Variants in GNG4 observed in about 807,000 individuals in gnomAD.
The protein encoded by GNG4 is G protein subunit gamma 4, also known as guanine nucleotide-binding protein G(I)/G(S)/G(O) subunit gamma-4.
Under a neutral mutation model 5.8 loss-of-function variants are expected in GNG4, and 4 were observed. The ratio of observed to expected loss-of-function variants is 0.69; its 90% CI spans 0.34 to 1.57. The LOEUF (loss-of-function observed/expected upper bound fraction) is 1.57, where lower values mean the gene tolerates loss of function less well. Among genes scored for constraint, GNG4 ranks in the 40% most tolerant of loss-of-function variants. GNG4 has a pLI of 0.06. For synonymous variants in GNG4, 29 were observed against 32.9 expected (o/e 0.88, Z 0.41); for missense variants, 96 against 95.1 (o/e 1.01, Z -0.04).
At chr1:235,572,495 C>CT (rs1261290924) in intron 3 of GNG4, among the ~76,000 whole-genome samples, 6,106 of 112,646 alleles carry the variant, frequency 0.054, 415 homozygotes, top group African/African-American at 0.19. Context: ...CCACCGTGCT[C>CT]TTTTTTTTTT....
chr1:235,624,264 G>A (rs181940113), intron 1 of GNG4, among the ~76,000 whole-genome samples: 3 of 151,742 alleles, frequency 2.0e-5, no homozygotes, highest in African/African-American at 4.8e-5. Context: ...CACCACGCCC[G>A]GCTAATTTTT....
intron 3 of GNG4, among the ~76,000 whole-genome samples, chr1:235,569,264 C>T (rs1192855108): frequency 6.6e-6 from 1 of 152,112 alleles, no homozygotes; most frequent in Non-Finnish European, 1.5e-5. Flanking sequence ...AATCCTAGCA[C>T]TCTGGGAGGC....
At chr1:235,564,854 T>C (rs757512176) in intron 3 of GNG4, among the ~76,000 whole-genome samples, 13 of 152,088 alleles carry the variant, frequency 8.5e-5, no homozygotes, top group Non-Finnish European at 1.5e-4. Flanking sequence ...CCCGGCTTAT[T>C]TTGGTATTCT....
chr1:235,562,678 A>G (rs1229257344), intron 3 of GNG4, among the ~76,000 whole-genome samples: 1 of 151,460 alleles, frequency 6.6e-6, no homozygotes, highest in Non-Finnish European at 1.5e-5. Context: ...AAAAAGAAAA[A>G]AAAAAAAGAA....
chr1:235,620,636 T>C (rs1023354064), intron 1 of GNG4, among the ~76,000 whole-genome samples: 3 of 152,012 alleles, frequency 2.0e-5, no homozygotes, highest in African/African-American at 4.8e-5. Context: ...CCCGCGTTCA[T>C]GCCATTCTCC....
chr1:235,616,040 C>A, intron 1 of GNG4: 1 of 356,918 alleles, frequency 2.8e-6, no homozygotes, highest in Non-Finnish European at 5.4e-6. Context: ...AAGGCCTCGG[C>A]ACCTGGTGGC....
intron 1 of GNG4, among the ~76,000 whole-genome samples, chr1:235,633,176 T>C (rs1261876228): frequency 1.3e-5 from 2 of 152,192 alleles, no homozygotes; most frequent in African/African-American, 4.8e-5. Context: ...GTTGTTGTTG[T>C]TTTAATGAGT....
chr1:235,633,922 G>A (rs1688980704), intron 1 of GNG4, among the ~76,000 whole-genome samples: 1 of 152,180 alleles, frequency 6.6e-6, no homozygotes, highest in African/African-American at 2.4e-5. Flanking sequence ...GTCTTTATAA[G>A]CAAATAGGGA....
At chr1:235,556,114 G>A (rs1686899354) in intron 3 of GNG4, among the ~76,000 whole-genome samples, 1 of 151,760 alleles carries the variant, frequency 6.6e-6, no homozygotes, top group African/African-American at 2.4e-5. Context: ...TGATCTGCCC[G>A]CCTCGGCCTC....
At chr1:235,606,535 C>T (rs1011591654) in intron 1 of GNG4, among the ~76,000 whole-genome samples, 4 of 152,016 alleles carry the variant, frequency 2.6e-5, no homozygotes, top group African/African-American at 9.7e-5. Flanking sequence ...GAAAGGAAGG[C>T]ATATCTGGGC....
At chr1:235,591,806 C>T (rs542748190) in intron 2 of GNG4, among the ~76,000 whole-genome samples, 4 of 152,344 alleles carry the variant, frequency 2.6e-5, no homozygotes, top group Admixed American at 6.5e-5. Flanking sequence ...TCACACAGCT[C>T]TTTCTTCCCA....
intron 2 of GNG4, among the ~76,000 whole-genome samples, chr1:235,594,933 G>A (rs1258016716): frequency 6.6e-6 from 1 of 152,202 alleles, no homozygotes; most frequent in African/African-American, 2.4e-5. Context: ...TTGCCAGCAC[G>A]CTGTCACCTC....
intron 1 of GNG4, among the ~76,000 whole-genome samples, chr1:235,641,844 C>G (rs968192972): frequency 2.6e-5 from 4 of 152,178 alleles, no homozygotes; most frequent in African/African-American, 9.7e-5. Flanking sequence ...TGAGCCACCC[C>G]CTTCCCCGGA....
chr1:235,593,401 A>G (rs547630820), intron 2 of GNG4, among the ~76,000 whole-genome samples: 1 of 152,282 alleles, frequency 6.6e-6, no homozygotes, highest in East Asian at 1.9e-4. Flanking sequence ...TGGAAGCCAA[A>G]TGTCATTGTG....
intron 1 of GNG4, among the ~76,000 whole-genome samples, chr1:235,645,220 C>T (rs1193508505): frequency 6.6e-6 from 1 of 152,160 alleles, no homozygotes; most frequent in East Asian, 1.9e-4. Flanking sequence ...CCACAGAGTC[C>T]TGCTGGGCCA....
intron 1 of GNG4, among the ~76,000 whole-genome samples, chr1:235,599,864 AGAG>A (rs945980963): frequency 3.9e-5 from 6 of 152,138 alleles, no homozygotes; most frequent in African/African-American, 1.4e-4. Context: ...AAGCTCTTTG[AGAG>A]GCCACACATC....
Position 235,548,367 on chromosome 1 carries a change from C to CA in GNG4, c.*3741dup, listed in dbSNP as rs1686637795. On this transcript the variant is annotated 3_prime_UTR_variant, in exon 4 of 4. Transcript: ENST00000391854. Reference sequence around the variant, plus strand: ...AGCTCAGCGAGTCCAAGGAGTGGAGCAGAAATGACATTCCCAGGACGCTGC... The same window carrying CA: ...AGCTCAGCGAGTCCAAGGAGTGGAGCAAGAAATGACATTCCCAGGACGCTGC... 6.6e-6 allele frequency: 1 copy of CA among 152,216 alleles called. No individual in the cohort carries two copies. The highest frequency in any genetic ancestry group is 2.4e-5 in the African/African-American group (1 of 41,428). The allele number at this position is 152,216 out of a possible 1,614,324, so 9.4% of individuals were successfully genotyped here.
At chr1:235,639,091 A>T (rs1571927480) in intron 1 of GNG4, among the ~76,000 whole-genome samples, 2 of 152,150 alleles carry the variant, frequency 1.3e-5, no homozygotes, top group African/African-American at 4.8e-5. Context: ...AGATGCGCCT[A>T]TCTTCCTCTT....
At chr1:235,604,189 G>A (rs890325494) in intron 1 of GNG4, among the ~76,000 whole-genome samples, 3 of 152,200 alleles carry the variant, frequency 2.0e-5, no homozygotes, top group African/African-American at 4.8e-5. Flanking sequence ...TGACCGGCAC[G>A]TATGGAGGAA....
Sources: gnomAD v4.1 joint callset for allele counts (sites outside exome capture counted in the v4.1 genomes callset) on GRCh38, gnomAD v4.1.1 for gene constraint, MANE v1.5 for transcripts, NCBI Gene and HGNC (gene_info 2026-07-23, HGNC 2026-07-21) for gene names.